The following FAM241A variants were observed in gnomAD, a reference collection of about 807,000 sequenced individuals.
The protein encoded by FAM241A is family with sequence similarity 241 member A, also known as uncharacterized protein FAM241A.
Under a neutral mutation model 12.2 loss-of-function variants are expected in FAM241A, and 7 were observed. The ratio of observed to expected loss-of-function variants is 0.58; its 90% confidence interval spans 0.33 to 1.08. The LOEUF is 1.08. Among genes scored for constraint, FAM241A ranks in the 50% least tolerant of loss-of-function variants. The pLI, the probability that FAM241A is intolerant of heterozygous loss-of-function variation, is 0.04. For synonymous variants in FAM241A, 74 were observed against 68.2 expected (o/e 1.08, Z -0.42); for missense variants, 161 against 169.7 (o/e 0.95, Z 0.29).
intron 1 of FAM241A, among the ~76,000 whole-genome samples, chr4:112,170,565 T>C (rs553970231): frequency 6.6e-6 from 1 of 152,256 alleles, no homozygotes; most frequent in East Asian, 1.9e-4. Flanking sequence ...GACTAATGGG[T>C]GGATCATGTC....
At chr4:112,167,943 T>C (rs1450586646) in intron 1 of FAM241A, among the ~76,000 whole-genome samples, 1 of 152,224 alleles carries the variant, frequency 6.6e-6, no homozygotes, top group African/African-American at 2.4e-5. Context: ...TGTGGTTTCC[T>C]GAAAGTAAGC....
intron 1 of FAM241A, among the ~76,000 whole-genome samples, chr4:112,166,008 C>T (rs1723586543): frequency 6.6e-6 from 1 of 151,564 alleles, no homozygotes; most frequent in African/African-American, 2.4e-5. Flanking sequence ...CAAAATATCT[C>T]GTGCCCCACA....
At chr4:112,163,451 A>T (rs1239898181) in intron 1 of FAM241A, among the ~76,000 whole-genome samples, 2 of 152,244 alleles carry the variant, frequency 1.3e-5, no homozygotes, top group African/African-American at 2.4e-5. Context: ...AAGAACTCAG[A>T]CAAACTTACA....
intron 1 of FAM241A, among the ~76,000 whole-genome samples, chr4:112,173,806 A>G (rs1280783886): frequency 6.6e-6 from 1 of 152,190 alleles, no homozygotes; most frequent in Non-Finnish European, 1.5e-5. Context: ...GTTGTCTCAC[A>G]GTTCACCATC....
chr4:112,160,431 G>A (rs1415929401), intron 1 of FAM241A, among the ~76,000 whole-genome samples: 1 of 149,584 alleles, frequency 6.7e-6, no homozygotes, highest in Non-Finnish European at 1.5e-5. Context: ...GAAAGATATT[G>A]CATGTTCATG....
chr4:112,180,546 GA>G (rs1418509137), intron 1 of FAM241A, among the ~76,000 whole-genome samples: 1 of 152,034 alleles, frequency 6.6e-6, no homozygotes, highest in Non-Finnish European at 1.5e-5. Context: ...AAAAGGTGGC[GA>G]AAAGCTAGGT....
chr4:112,165,549 T>C (rs755955442), intron 1 of FAM241A, among the ~76,000 whole-genome samples: 5 of 152,342 alleles, frequency 3.3e-5, no homozygotes, highest in Non-Finnish European at 5.9e-5. Context: ...GTGGTACTTA[T>C]ACCCAAGGGA....
intron 1 of FAM241A, among the ~76,000 whole-genome samples, chr4:112,151,723 G>A (rs1012397457): frequency 2.6e-5 from 4 of 152,166 alleles, no homozygotes; most frequent in African/African-American, 9.7e-5. Context: ...TTTCTTAGAA[G>A]TGTATATTTA....
At chr4:112,175,007 C>T (rs191325930) in intron 1 of FAM241A, among the ~76,000 whole-genome samples, 28 of 152,342 alleles carry the variant, frequency 1.8e-4, no homozygotes, top group African/African-American at 5.5e-4. Context: ...CTACTAGTCC[C>T]TGGCTGAATG....
intron 1 of FAM241A, among the ~76,000 whole-genome samples, chr4:112,184,169 T>G (rs988209944): frequency 1.3e-5 from 2 of 152,184 alleles, no homozygotes; most frequent in Admixed American, 6.5e-5. Context: ...CCTAGATAAC[T>G]CTACAACATT....
intron 1 of FAM241A, among the ~76,000 whole-genome samples, chr4:112,157,203 A>G (rs549382645): frequency 6.6e-6 from 1 of 152,200 alleles, no homozygotes; most frequent in African/African-American, 2.4e-5. Context: ...AAAAGTATTT[A>G]TGGAGAAGAT....
intron 1 of FAM241A, among the ~76,000 whole-genome samples, chr4:112,147,533 T>C (rs1723164299): frequency 6.6e-6 from 1 of 152,214 alleles, no homozygotes; most frequent in South Asian, 2.1e-4. Context: ...CAAAGCCTTG[T>C]TTTCTAGTTT....
rs374214683 is a variant in FAM241A at position 112,188,893 on chromosome 4, GAAAT to G, written c.*1958_*1961del. On this transcript the variant is annotated 3_prime_UTR_variant, in exon 2 of 2. Transcript: ENST00000309733. ...TAGGGTATATATTAAATTATATAAAGAAATAAGATATTTTGCTGTTATTCTTTCT... is the reference window on the plus strand; with the variant it reads ...TAGGGTATATATTAAATTATATAAAGAAGATATTTTGCTGTTATTCTTTCT... 2.0e-5 allele frequency: 3 copies of G among 152,102 alleles called. No homozygotes were observed. Among genetic ancestry groups the G allele is most frequent in the Non-Finnish European group, 2.9e-5 (2 of 67,970 alleles). 9.4% of individuals were successfully genotyped at this position (152,102 alleles called of 1,614,324 possible).
chr4:112,184,641 C>T (rs1724004173), intron 1 of FAM241A, among the ~76,000 whole-genome samples: 1 of 152,170 alleles, frequency 6.6e-6, no homozygotes, highest in African/African-American at 2.4e-5. Flanking sequence ...TCATCAGTCC[C>T]CCTTGGTACT....
chr4:112,157,352 TTAAAA>T (rs777775845), intron 1 of FAM241A, among the ~76,000 whole-genome samples: 1 of 152,128 alleles, frequency 6.6e-6, no homozygotes, highest in Non-Finnish European at 1.5e-5. Flanking sequence ...TTTATGGACT[TTAAAA>T]TAACTCAAAG....
chr4:112,161,613 G>T (rs1055040070), intron 1 of FAM241A, among the ~76,000 whole-genome samples: 8 of 152,160 alleles, frequency 5.3e-5, no homozygotes, highest in Non-Finnish European at 1.0e-4. Context: ...AAACCGGGAA[G>T]AATTTGAATC....
chr4:112,186,673 C>CTTT lies in FAM241A; in HGVS notation c.154-7_154-5dup. ...TTCTCATGTTATGTTCATGTTTTGTCTTTTTTTTTTTTTTTAAAGGATGTT... is the reference window on the plus strand; with the variant it reads ...TTCTCATGTTATGTTCATGTTTTGTCTTTTTTTTTTTTTTTTTTAAAGGATGTT... On this transcript the variant is annotated intron_variant, in intron 1 of 1. Coordinates refer to ENST00000309733, the MANE Select transcript of FAM241A (RefSeq NM_152400.3). 10 of 1,432,038 alleles carry CTTT rather than the reference C, an allele frequency of 7.0e-6. No individual in the cohort carries two copies. The highest frequency in any genetic ancestry group is 1.5e-5 in the African/African-American group (1 of 66,262). The allele number at this position is 1,432,038 out of a possible 1,614,324, so 88.7% of individuals were successfully genotyped here.
chr4:112,185,696 G>A (rs1724024061), intron 1 of FAM241A, among the ~76,000 whole-genome samples: 1 of 152,154 alleles, frequency 6.6e-6, no homozygotes. Flanking sequence ...ATAGACCTGG[G>A]AACCAGGTAT....
chr4:112,185,705 A>G (rs905027564), intron 1 of FAM241A, among the ~76,000 whole-genome samples: 1 of 152,194 alleles, frequency 6.6e-6, no homozygotes, highest in African/African-American at 2.4e-5. Context: ...GGAACCAGGT[A>G]TCTGAGGAAG....
Sources: allele counts gnomAD v4.1 joint callset (sites outside exome capture counted in the v4.1 genomes callset), GRCh38; gene constraint gnomAD v4.1.1; transcripts MANE v1.5; gene names NCBI Gene and HGNC (gene_info 2026-07-23, HGNC 2026-07-21).